PGBD2: variants seen among roughly 807,000 people sequenced by gnomAD.
The protein encoded by PGBD2 is piggyBac transposable element derived 2, also known as piggyBac transposable element-derived protein 2.
Under a neutral mutation model 8.1 loss-of-function variants are expected in PGBD2, and 6 were observed. The ratio of observed to expected loss-of-function variants is 0.74; its 90% CI spans 0.40 to 1.46. PGBD2 has a LOEUF of 1.46. PGBD2 is among the 40% of genes most tolerant of loss of function. PGBD2 has a pLI of 0.02. For missense variants in PGBD2, 802 were observed against 739.0 expected (o/e 1.09, Z -0.99); for synonymous variants, 318 against 272.2 (o/e 1.17, Z -1.66).
At chr1:248,874,308 C>T in the PGBD2 span, among the ~76,000 whole-genome samples, 2 of 152,132 alleles carry the variant, frequency 1.3e-5, no homozygotes, top group African/African-American at 2.4e-5. Flanking sequence ...GGTTCGATTC[C>T]CGGTCAGGAA....
At chr1:248,929,506 G>A in the PGBD2 span, among the ~76,000 whole-genome samples, 4 of 152,132 alleles carry the variant, frequency 2.6e-5, no homozygotes, top group South Asian at 2.1e-4. Flanking sequence ...GCCCAAGAGG[G>A]CAGAAAAAGA....
chr1:248,873,829 A>T, the PGBD2 span, among the ~76,000 whole-genome samples: 18 of 152,202 alleles, frequency 1.2e-4, no homozygotes, highest in South Asian at 4.1e-4. Flanking sequence ...GTATGAGGCT[A>T]AGTGAGAAGC....
the PGBD2 span, among the ~76,000 whole-genome samples, chr1:248,874,224 A>G: frequency 6.6e-6 from 1 of 152,188 alleles, no homozygotes; most frequent in African/African-American, 2.4e-5. Flanking sequence ...AGTATAGCAT[A>G]TTGCTAAATG....
chr1:248,873,868 A>C, the PGBD2 span, among the ~76,000 whole-genome samples: 1 of 152,168 alleles, frequency 6.6e-6, no homozygotes, highest in Non-Finnish European at 1.5e-5. Context: ...AGGATGGCCG[A>C]GTGGTCTAAG....
chr1:248,909,554 C>A (rs1244369381), intron 1 of PGBD2, among the ~76,000 whole-genome samples: 1 of 152,122 alleles, frequency 6.6e-6, no homozygotes, highest in East Asian at 1.9e-4. Context: ...TAATTTGGTT[C>A]AGCGAGTATT....
intron 1 of PGBD2, among the ~76,000 whole-genome samples, chr1:248,908,862 C>G (rs935657319): frequency 6.6e-6 from 1 of 152,042 alleles, no homozygotes; most frequent in African/African-American, 2.4e-5. Context: ...TATTCCCTGC[C>G]TGCTGAGGGA....
chr1:248,909,059 C>A (rs1044954554), intron 1 of PGBD2, among the ~76,000 whole-genome samples: 4 of 152,152 alleles, frequency 2.6e-5, no homozygotes, highest in African/African-American at 9.7e-5. Context: ...CAGATGTTTG[C>A]CAAACGAATG....
chr1:248,922,799 G>A (rs142348474), downstream of PGBD2, among the ~76,000 whole-genome samples: 1,822 of 152,280 alleles, frequency 0.012, 30 homozygotes, highest in African/African-American at 0.04. Context: ...GCATCCCAGG[G>A]ATGAAGCTGA....
Position 248,916,991 on chromosome 1 carries a change from G to A in PGBD2, c.407G>A (p.Ser136Asn). ...GATCCTCATATTGAGGATCTGAAAA[G>A]CCAAGAGCTGAGTCCCGTGGGCCTT... ...ASDPHIEDLKSQELSPVGLFE... is the reference protein window; with the variant it reads ...ASDPHIEDLKNQELSPVGLFE... The change falls in exon 3 of 3, where the codon AGC (serine) becomes AAC (asparagine). Residue 136 changes from serine to asparagine, a missense_variant. By Grantham distance (46) the Ser-to-Asn change is conservative. Transcript: ENST00000329291. The A allele has an allele frequency of 6.2e-7, 1 of 1,613,210 alleles. No individual in the cohort carries two copies. Among genetic ancestry groups the A allele is most frequent in the African/African-American group, 1.3e-5 (1 of 74,870 alleles).
At chr1:248,916,426 A>T (rs1325717886) in intron 2 of PGBD2, among the ~76,000 whole-genome samples, 176 bp from the exon 3 acceptor site, 2 of 152,188 alleles carry the variant, frequency 1.3e-5, no homozygotes, top group African/African-American at 4.8e-5. Flanking sequence ...TAACAATAAA[A>T]AGCAGAATCT....
intron 1 of PGBD2, among the ~76,000 whole-genome samples, chr1:248,909,397 G>C (rs1661782827): frequency 6.6e-6 from 1 of 152,164 alleles, no homozygotes; most frequent in African/African-American, 2.4e-5. Context: ...GTATATTTTA[G>C]TTAGGGTCAA....
the PGBD2 span, among the ~76,000 whole-genome samples, chr1:248,877,325 G>T: frequency 2.6e-5 from 4 of 152,244 alleles, no homozygotes; most frequent in African/African-American, 9.6e-5. Flanking sequence ...GAAACTCTTT[G>T]CCTAAATGTG....
the PGBD2 span, among the ~76,000 whole-genome samples, chr1:248,890,796 G>A: frequency 1.4e-5 from 2 of 146,022 alleles, no homozygotes; most frequent in African/African-American, 5.1e-5. Flanking sequence ...ATGCACACAC[G>A]CACCACACAC....
At chr1:248,873,839 C>T in the PGBD2 span, among the ~76,000 whole-genome samples, 10 of 152,334 alleles carry the variant, frequency 6.6e-5, no homozygotes, top group Admixed American at 2.0e-4. Context: ...AAGTGAGAAG[C>T]GCTCTGCTTC....
At position 248,918,483 on chromosome 1, in the gene PGBD2, T is replaced by G; in HGVS notation, c.*120T>G. On this transcript the variant is annotated 3_prime_UTR_variant, in exon 3 of 3. Coordinates refer to ENST00000329291, the MANE Select transcript of PGBD2 (RefSeq NM_170725.3). ...CTGAATTTCTAATGACTTGATTTTC[T>G]ATTTTCTCCCTACCCACAATACAGT... 1.0e-6 allele frequency: 1 copy of G among 983,450 alleles called. No individual in the cohort carries two copies. Among genetic ancestry groups the G allele is most frequent in the Non-Finnish European group, 1.5e-6 (1 of 685,290 alleles). The allele number at this position is 983,450 out of a possible 1,614,324, so 60.9% of individuals were successfully genotyped here. A position where few individuals can be genotyped will look rare whatever the true frequency, so the allele number is the denominator to read the frequency against.
Position 248,917,914 on chromosome 1 carries a change from C to A in PGBD2, c.1330C>A (p.Arg444=). The change falls in exon 3 of 3, where the codon CGG becomes AGG. Residue 444 remains arginine (R), a synonymous_variant. Coordinates refer to ENST00000329291, the MANE Select transcript of PGBD2 (RefSeq NM_170725.3). ...TCGTCACTCTGGAGCAGCTAAAACG[C>A]GGACTCAGGTCCACCAGCCATCACT... ...TSRHSGAAKT[R]TQVHQPSLVK... 1 of 1,614,172 alleles carries A rather than the reference C, an allele frequency of 6.2e-7. No homozygotes were observed. Among genetic ancestry groups the A allele is most frequent in the Non-Finnish European group, 8.5e-7 (1 of 1,180,038 alleles).
chr1:248,930,138 C>T, the PGBD2 span, among the ~76,000 whole-genome samples: 1 of 152,178 alleles, frequency 6.6e-6, no homozygotes, highest in Non-Finnish European at 1.5e-5. Flanking sequence ...AGCATCCCTT[C>T]CTTGAGGCTT....
chr1:248,900,316 T>C, the PGBD2 span, among the ~76,000 whole-genome samples: 13 of 152,170 alleles, frequency 8.5e-5, no homozygotes, highest in Non-Finnish European at 1.9e-4. Flanking sequence ...CCAGTATCCC[T>C]GATGAACATC....
the PGBD2 span, among the ~76,000 whole-genome samples, chr1:248,880,002 G>T: frequency 1.3e-5 from 2 of 152,128 alleles, no homozygotes; most frequent in African/African-American, 2.4e-5. Flanking sequence ...GGATTATATG[G>T]TCCTGGAGTC....
Sources: allele counts gnomAD v4.1 joint callset (sites outside exome capture counted in the v4.1 genomes callset), GRCh38; gene constraint gnomAD v4.1.1; transcripts MANE v1.5; gene names NCBI Gene and HGNC (gene_info 2026-07-23, HGNC 2026-07-21).